Variants in TASOR observed in about 807,000 individuals in gnomAD.
TASOR encodes the protein transcription activation suppressor, also known as protein TASOR.
Under a neutral mutation model 178.6 loss-of-function variants are expected in TASOR, and 53 were observed. That is an observed-to-expected ratio of 0.30 (90% CI 0.24 to 0.37). TASOR has a LOEUF of 0.37. Among genes scored for constraint, TASOR ranks in the 10% least tolerant of loss-of-function variants. TASOR has a pLI of 1.00. For synonymous variants in TASOR, 713 were observed against 696.2 expected, an observed-to-expected ratio of 1.02 and a Z score of -0.38; for missense variants, 1,815 against 1,971.4, an observed-to-expected ratio of 0.92 and a Z score of 1.50.
chr3:56,652,424 C>T (rs6796679), intron 11 of TASOR, among the ~76,000 whole-genome samples: 6,044 of 151,780 alleles, frequency 0.04, 416 homozygotes, highest in African/African-American at 0.14. Flanking sequence ...TGTGGTGGTA[C>T]GCACCTGTAG....
At chr3:56,670,392 T>C (rs2030555051) in intron 3 of TASOR, among the ~76,000 whole-genome samples, 1 of 152,182 alleles carries the variant, frequency 6.6e-6, no homozygotes. Flanking sequence ...GGTCTCCCTC[T>C]GCCCTCTAGG....
At chr3:56,642,373 C>T (rs1337359063) in intron 14 of TASOR, among the ~76,000 whole-genome samples, 1 of 152,156 alleles carries the variant, frequency 6.6e-6, no homozygotes, top group Non-Finnish European at 1.5e-5. Flanking sequence ...TTCATGCATG[C>T]ACTATAAATC....
rs746698792 is a variant in TASOR, at chr3:56,641,442, C to A, written c.2526G>T (p.Gln842His). 6.2e-7 allele frequency: 1 copy of A among 1,609,902 alleles called. No individual in the cohort carries two copies. The highest frequency in any genetic ancestry group is 2.2e-5 in the East Asian group (1 of 44,702). ...TTGCATCAACTTCTAGTAATAAGCT[C>A]TGAGTACCCTTAAACTGTGCATTTT... ...KVENAQFKGT[Q>H]SLLLEVDATS... Residue 842 changes from glutamine (Q) to histidine (H), a missense_variant, in exon 15 of 24, where the codon CAG (glutamine) becomes CAT (histidine). This residue lies in a region of TASOR where 655 missense variants were observed against 671.1 expected (regional missense o/e 0.98). Transcript: ENST00000683822.
intron 18 of TASOR, 59 bp downstream of exon 18, chr3:56,632,985 G>A (rs1329457201): frequency 8.4e-6 from 11 of 1,316,880 alleles, no homozygotes; most frequent in Middle Eastern, 2.5e-4. Flanking sequence ...CCATTTTATA[G>A]AGGTCACACC....
At chr3:56,650,672 G>C (rs927821438) in intron 11 of TASOR, among the ~76,000 whole-genome samples, 2 of 152,160 alleles carry the variant, frequency 1.3e-5, no homozygotes, top group Admixed American at 6.6e-5. Context: ...TAGTTAATCT[G>C]TGCTGAGGTG....
chr3:56,664,717 A>T (rs558853488), intron 7 of TASOR, among the ~76,000 whole-genome samples: 34 of 152,258 alleles, frequency 2.2e-4, no homozygotes, highest in Non-Finnish European at 4.1e-4. Flanking sequence ...ACATTTGACC[A>T]TCTCACCTAC....
Position 56,641,427 on chromosome 3 carries a change from T to C in TASOR, c.2541A>G (p.Glu847=). Residue 847 remains glutamate (E), a synonymous_variant, in exon 15 of 24, where the codon GAA becomes GAG. Transcript: ENST00000683822. ...QFKGTQSLLL[E]VDATSKYSVA... is the part of the protein sequence containing the mutation. Reference sequence around the variant, plus strand: ...CAGAATACTTAGATGTTGCATCAACTTCTAGTAATAAGCTCTGAGTACCCT... The same window carrying C: ...CAGAATACTTAGATGTTGCATCAACCTCTAGTAATAAGCTCTGAGTACCCT... 6.2e-7 allele frequency: 1 copy of C among 1,605,812 alleles called. No individual in the cohort carries two copies. Among genetic ancestry groups the C allele is most frequent in the Non-Finnish European group, 8.5e-7 (1 of 1,172,778 alleles).
At chr3:56,627,558 G>T (rs56758331) in intron 20 of TASOR, 24 bp downstream of exon 20, 193 of 1,612,028 alleles carry the variant, frequency 1.2e-4, no homozygotes, top group Middle Eastern at 1.1e-3. Context: ...GAGGAGTTAC[G>T]TGCTCAAAAG....
chr3:56,637,301 C>T (rs550948677), intron 17 of TASOR, among the ~76,000 whole-genome samples: 1 of 152,298 alleles, frequency 6.6e-6, no homozygotes, highest in South Asian at 2.1e-4. Context: ...TTCAGTGGCT[C>T]ACTTGAGGTC....
chr3:56,674,588 T>C (rs1021345601), intron 1 of TASOR, among the ~76,000 whole-genome samples: 1 of 152,188 alleles, frequency 6.6e-6, no homozygotes, highest in Non-Finnish European at 1.5e-5. Flanking sequence ...ACATTTATTA[T>C]GACAACTTAG....
chr3:56,675,943 G>A (rs1193911214), intron 1 of TASOR, among the ~76,000 whole-genome samples: 1 of 152,110 alleles, frequency 6.6e-6, no homozygotes, highest in Non-Finnish European at 1.5e-5. Flanking sequence ...ATGGCACAAT[G>A]TGTACAAACA....
chr3:56,636,688 A>G (rs1039934304), intron 17 of TASOR, among the ~76,000 whole-genome samples: 2 of 152,086 alleles, frequency 1.3e-5, no homozygotes, highest in Admixed American at 1.3e-4. Flanking sequence ...AACATGAGAC[A>G]CCGTGCTTTT....
In TASOR at chr3:56,624,636, G is replaced by A. The variant is rs1307001146; in HGVS notation, c.4326C>T (p.Asn1442=). The change falls in exon 23 of 24, where the codon AAC becomes AAT. Residue 1442 remains asparagine, a synonymous_variant. Coordinates refer to ENST00000683822, the MANE Select transcript of TASOR (RefSeq NM_001365635.2). The part of the protein sequence containing the change: ...QRHIVFLTEK[N]IKMLSSYTDN... ...CTGTATAACTGGAAAGCATCTTGAT[G>A]TTCTTCTCTAAATTAAGAAAAAAAG... The A allele has an allele frequency of 1.9e-6, 3 of 1,610,444 alleles. No individual in the cohort carries two copies. Among genetic ancestry groups the A allele is most frequent in the African/African-American group, 2.7e-5 (2 of 74,606 alleles).
Position 56,627,573 on chromosome 3 carries a change from T to C in TASOR, c.4030+9A>G. The C allele has an allele frequency of 1.9e-6, 3 of 1,613,640 alleles. No individual in the cohort carries two copies. The highest frequency in any genetic ancestry group is 1.1e-5 in the South Asian group (1 of 91,040). ...GAGGAGTTACGTGCTCAAAAGAACA[T>C]CATCTTACCAACTGTGACAACCTCT... On this transcript the variant is annotated intron_variant, in intron 20 of 23. Coordinates refer to ENST00000683822, the MANE Select transcript of TASOR (RefSeq NM_001365635.2).
intron 17 of TASOR, among the ~76,000 whole-genome samples, chr3:56,634,443 C>G (rs758673496): frequency 6.6e-6 from 1 of 152,104 alleles, no homozygotes; most frequent in African/African-American, 2.4e-5. Context: ...GGAATAACTG[C>G]CAAGTTAAAA....
chr3:56,620,905 C>CACTT lies in TASOR; in HGVS notation c.*2128_*2131dup, dbSNP rs1192633673. 1 of 152,658 alleles carries CACTT rather than the reference C, an allele frequency of 6.6e-6. No homozygotes were observed. The highest frequency in any genetic ancestry group is 1.5e-5 in the Non-Finnish European group (1 of 68,462). 9.5% of individuals were successfully genotyped at this position (152,658 alleles called of 1,614,324 possible). A position where few individuals can be genotyped will look rare whatever the true frequency, so the allele number is the denominator to read the frequency against. On this transcript the variant is annotated 3_prime_UTR_variant, in exon 24 of 24. Transcript: ENST00000683822. ...CAGTGGCTCAAGCCTGTAATCCCAG[C>CACTT]ACTTTGGGAGGCTGAGGCAGGCAGA...
At chr3:56,666,829 C>T (rs1471428030) in intron 6 of TASOR, among the ~76,000 whole-genome samples, 7 of 152,256 alleles carry the variant, frequency 4.6e-5, no homozygotes, top group African/African-American at 1.4e-4. Flanking sequence ...AAGGGAGATA[C>T]GGAAAAGAAT....
chr3:56,627,782 A>C (rs1266615918), intron 19 of TASOR, 41 bp from the exon 20 acceptor site: 1 of 1,594,214 alleles, frequency 6.3e-7, no homozygotes. Context: ...AGATGGAGGG[A>C]ATGAATTGAC....
Position 56,628,281 on chromosome 3 carries a change from A to G in TASOR, c.3870+211T>C, listed in dbSNP as rs752955359. Among the ~76,000 whole-genome samples, 12 of 152,356 alleles carry G rather than the reference A, an allele frequency of 7.9e-5. 1 individual carries two copies. The highest frequency in any genetic ancestry group is 6.8e-3 in the Middle Eastern group (2 of 294). On this transcript the variant is annotated intron_variant, in intron 19 of 23. Coordinates refer to ENST00000683822, the MANE Select transcript of TASOR (RefSeq NM_001365635.2). ...GGATTCAGTACTCTTATTAGTCTTG[A>G]CTACCTGAGTGACAGGGAAGATCTG...
Sources: gnomAD v4.1 joint callset for allele counts (sites outside exome capture counted in the v4.1 genomes callset) on GRCh38, gnomAD v4.1.1 for gene constraint, gnomAD v4.1.1 regional missense constraint, MANE v1.5 for transcripts, NCBI Gene and HGNC (gene_info 2026-07-23, HGNC 2026-07-21) for gene names.